Variants in NBAS observed in about 807,000 individuals in gnomAD.
The protein encoded by NBAS is NAG/BC035112 fusion.
Under a neutral mutation model 302.5 loss-of-function variants are expected in NBAS, and 219 were observed. The ratio of observed to expected loss-of-function variants is 0.72; its 90% confidence interval spans 0.65 to 0.81. The LOEUF (loss-of-function observed/expected upper bound fraction) is 0.81, where lower values mean the gene tolerates loss of function less well. Among genes scored for constraint, NBAS ranks in the 30% least tolerant of loss-of-function variants. The pLI is 0.00. For synonymous variants in NBAS, 1,118 were observed against 1,021.6 expected (o/e 1.09, Z -1.80); for missense variants, 2,932 against 2,841.6 (o/e 1.03, Z -0.72).
chr2:15,510,333 A>T (rs1003906699), intron 10 of NBAS, among the ~76,000 whole-genome samples: 2 of 152,210 alleles, frequency 1.3e-5, no homozygotes, highest in African/African-American at 4.8e-5. Context: ...ATGAACTGTA[A>T]GTAGAACCAA....
chr2:15,014,873 A>G, the NBAS span, among the ~76,000 whole-genome samples: 1 of 151,982 alleles, frequency 6.6e-6, no homozygotes, highest in African/African-American at 2.4e-5. Context: ...AAAGATAAAC[A>G]AAATTGACAA....
the NBAS span, among the ~76,000 whole-genome samples, chr2:14,829,174 G>A: frequency 4.6e-5 from 7 of 151,966 alleles, no homozygotes; most frequent in African/African-American, 1.7e-4. Context: ...ATAACGTTAA[G>A]GTACGTAAGG....
chr2:15,149,975 C>CA, the NBAS span, among the ~76,000 whole-genome samples: 1 of 149,040 alleles, frequency 6.7e-6, no homozygotes, highest in African/African-American at 2.5e-5. Flanking sequence ...TTTGAGAGGC[C>CA]AAGGTGGGAG....
the NBAS span, among the ~76,000 whole-genome samples, chr2:15,158,571 G>T: frequency 6.1e-3 from 928 of 152,294 alleles, 10 homozygotes; most frequent in African/African-American, 0.021. Flanking sequence ...TTCAATCAGG[G>T]CAGCTGCGAA....
the NBAS span, among the ~76,000 whole-genome samples, chr2:14,981,214 C>T: frequency 6.6e-6 from 1 of 152,040 alleles, no homozygotes; most frequent in East Asian, 1.9e-4. Context: ...AACTGATATC[C>T]CAAAGCCCAG....
chr2:14,942,479 T>C, the NBAS span, among the ~76,000 whole-genome samples: 3 of 152,172 alleles, frequency 2.0e-5, no homozygotes, highest in African/African-American at 7.2e-5. Context: ...CCCTTCCCCT[T>C]CCACTGTGAT....
chr2:15,522,845 A>G (rs907764421), intron 9 of NBAS, among the ~76,000 whole-genome samples: 2 of 152,244 alleles, frequency 1.3e-5, no homozygotes, highest in Non-Finnish European at 2.9e-5. Flanking sequence ...TAACAAAAAC[A>G]GTCTATTAAC....
At chr2:15,268,818 CCT>C (rs1344332676) in intron 44 of NBAS, among the ~76,000 whole-genome samples, 1 of 152,160 alleles carries the variant, frequency 6.6e-6, no homozygotes, top group African/African-American at 2.4e-5. Context: ...GTACCTGATT[CCT>C]CTGTCTCTTA....
intron 38 of NBAS, among the ~76,000 whole-genome samples, chr2:15,323,158 T>C (rs558867154): frequency 9.9e-5 from 15 of 152,254 alleles, no homozygotes; most frequent in Admixed American, 3.3e-4. Context: ...TAAAATCCCA[T>C]AGACATGACT....
the NBAS span, among the ~76,000 whole-genome samples, chr2:15,120,215 C>T: frequency 6.6e-6 from 1 of 152,198 alleles, no homozygotes; most frequent in Non-Finnish European, 1.5e-5. Context: ...GGTGCCTAAA[C>T]AATAAACACA....
chr2:15,414,666 C>T (rs1195497814), intron 25 of NBAS, among the ~76,000 whole-genome samples: 2 of 152,098 alleles, frequency 1.3e-5, no homozygotes, highest in Non-Finnish European at 2.9e-5. Context: ...AAATATCGGC[C>T]GTGCGCAGTG....
the NBAS span, among the ~76,000 whole-genome samples, chr2:14,800,681 C>G: frequency 6.6e-6 from 1 of 151,962 alleles, no homozygotes; most frequent in East Asian, 1.9e-4. Flanking sequence ...ATTTTCCTTT[C>G]TTCCCTCCTG....
chr2:15,177,744 A>G (rs1664618577), intron 51 of NBAS, among the ~76,000 whole-genome samples: 1 of 152,210 alleles, frequency 6.6e-6, no homozygotes, highest in Admixed American at 6.5e-5. Context: ...TGTTTCATAT[A>G]AATTCTCCAA....
In NBAS at chr2:15,331,290, C is replaced by T. The variant is rs115556514; in HGVS notation, c.4180-525G>A. On this transcript the variant is annotated intron_variant, in intron 35 of 51. Transcript: ENST00000281513. ...GTGTTTGATGGGTTTATAATGTGTA[C>T]GGTACCTCCTGCCAATCTTGAAGCA... Among the ~76,000 whole-genome samples, 340 of 152,216 alleles carry T rather than the reference C, an allele frequency of 2.2e-3. 4 individuals are homozygous for T. Among genetic ancestry groups the T allele is most frequent in the African/African-American group, 7.5e-3 (312 of 41,550 alleles).
chr2:15,085,319 C>A, the NBAS span, among the ~76,000 whole-genome samples: 1 of 152,046 alleles, frequency 6.6e-6, no homozygotes, highest in African/African-American at 2.4e-5. Context: ...CGTGTTCCTG[C>A]GCCTCAGGAG....
chr2:14,939,621 T>A, the NBAS span, among the ~76,000 whole-genome samples: 1 of 152,238 alleles, frequency 6.6e-6, no homozygotes, highest in African/African-American at 2.4e-5. Flanking sequence ...GCATTCTGCC[T>A]CTTGGCCTCC....
intron 50 of NBAS, among the ~76,000 whole-genome samples, chr2:15,182,981 A>G (rs2125125101): frequency 6.6e-6 from 1 of 152,292 alleles, no homozygotes; most frequent in African/African-American, 2.4e-5. Flanking sequence ...AAGTACTCTG[A>G]CATAAACAAT....
Position 15,309,198 on chromosome 2 carries a change from A to G in NBAS, c.4632T>C (p.Ala1544=). Reference sequence around the variant, plus strand: ...GTGGTAAGGCAAGAAGGTAAGCAAGAGCCAAGGTCATGTCATTTGGCAAGG... The same window carrying G: ...GTGGTAAGGCAAGAAGGTAAGCAAGGGCCAAGGTCATGTCATTTGGCAAGG... ...SEALPNDMTL[A]LAYLLALPQV... The change falls in exon 39 of 52, where the codon GCT becomes GCC. Residue 1544 remains alanine (A), a synonymous_variant. Coordinates refer to ENST00000281513, the MANE Select transcript of NBAS (RefSeq NM_015909.4). 5.6e-6 allele frequency: 9 copies of G among 1,613,078 alleles called. No individual in the cohort carries two copies. Among genetic ancestry groups the G allele is most frequent in the Non-Finnish European group, 7.6e-6 (9 of 1,179,318 alleles).
At chr2:15,450,419 C>T (rs1448621212) in intron 21 of NBAS, among the ~76,000 whole-genome samples, 1 of 152,136 alleles carries the variant, frequency 6.6e-6, no homozygotes, top group Non-Finnish European at 1.5e-5. Flanking sequence ...CAAATCTTAC[C>T]TTTCCAAGAA....
Sources: gnomAD v4.1 joint callset for allele counts (sites outside exome capture counted in the v4.1 genomes callset) on GRCh38, gnomAD v4.1.1 for gene constraint, MANE v1.5 for transcripts, NCBI Gene and HGNC (gene_info 2026-07-23, HGNC 2026-07-21) for gene names.